Variants in RGS6 observed in about 807,000 individuals in gnomAD.
RGS6 encodes regulator of G protein signaling 6.
RGS6 carries 30 observed loss-of-function variants against 78.5 expected under a neutral mutation model. The ratio of observed to expected loss-of-function variants is 0.38; its 90% CI spans 0.29 to 0.52. The LOEUF is 0.52. Ranked by LOEUF, RGS6 falls within the 20% of genes least tolerant of loss-of-function variation. The probability of loss-of-function intolerance (pLI) is 0.85; values close to 1 mark genes in which losing one functional copy is unlikely to be tolerated. For synonymous variants in RGS6, 206 were observed against 206.0 expected (o/e 1.00, Z 0.00); for missense variants, 495 against 609.7 (o/e 0.81, Z 1.98).
At chr14:71,987,040 G>A (rs2153164832) in intron 2 of RGS6, among the ~76,000 whole-genome samples, 1 of 152,284 alleles carries the variant, frequency 6.6e-6, no homozygotes, top group African/African-American at 2.4e-5. Flanking sequence ...CACCTGCAGA[G>A]TCTCTTTTGC....
chr14:72,298,812 A>G (rs1403306023), intron 2 of RGS6, among the ~76,000 whole-genome samples: 1 of 152,084 alleles, frequency 6.6e-6, no homozygotes, highest in Non-Finnish European at 1.5e-5. Context: ...ATAATTGGAA[A>G]TGTTCTCTCC....
intron 2 of RGS6, among the ~76,000 whole-genome samples, chr14:72,240,667 C>T (rs538578171): frequency 6.6e-6 from 1 of 152,214 alleles, no homozygotes; most frequent in Non-Finnish European, 1.5e-5. Flanking sequence ...GCTTCCTTCT[C>T]AATATAAGAA....
chr14:72,201,496 ATTCAGCAGTGATTATC>A (rs2041580451), intron 2 of RGS6, among the ~76,000 whole-genome samples: 1 of 152,224 alleles, frequency 6.6e-6, no homozygotes, highest in African/African-American at 2.4e-5. Context: ...GACTTTTTAA[ATTCAGCAGTGATTATC>A]TAAAGCCTGA....
chr14:72,463,583 A>T (rs976664148), intron 6 of RGS6, among the ~76,000 whole-genome samples: 1 of 152,246 alleles, frequency 6.6e-6, no homozygotes, highest in Non-Finnish European at 1.5e-5. Flanking sequence ...CCATTTGGAC[A>T]TTTCTTGGGA....
intron 2 of RGS6, among the ~76,000 whole-genome samples, chr14:72,341,255 G>A (rs866560629): frequency 6.6e-6 from 1 of 152,116 alleles, no homozygotes; most frequent in Non-Finnish European, 1.5e-5. Context: ...GAGGAAAAGA[G>A]CACAAAGATG....
intron 2 of RGS6, among the ~76,000 whole-genome samples, chr14:72,308,713 G>GT (rs541218649): frequency 5.6e-4 from 86 of 152,296 alleles, no homozygotes; most frequent in African/African-American, 2.0e-3. Flanking sequence ...AGTAATAAAT[G>GT]TAAGTCCGGC....
chr14:72,531,778 T>A (rs1043081928), intron 15 of RGS6, among the ~76,000 whole-genome samples: 1 of 152,248 alleles, frequency 6.6e-6, no homozygotes, highest in African/African-American at 2.4e-5. Flanking sequence ...ATATGCGTGG[T>A]CTCATACACT....
chr14:72,427,783 C>G (rs2094487800), intron 3 of RGS6, among the ~76,000 whole-genome samples: 1 of 152,190 alleles, frequency 6.6e-6, no homozygotes, highest in South Asian at 2.1e-4. Context: ...TCCCTGTCTT[C>G]TACCCCAAAG....
intron 15 of RGS6, among the ~76,000 whole-genome samples, chr14:72,525,357 G>C (rs2097104533): frequency 6.6e-6 from 1 of 152,180 alleles, no homozygotes; most frequent in African/African-American, 2.4e-5. Flanking sequence ...GCGTAGGGAG[G>C]TTCCTTTCCT....
chr14:72,070,875 T>C (rs553594554), intron 2 of RGS6, among the ~76,000 whole-genome samples: 3 of 152,360 alleles, frequency 2.0e-5, no homozygotes, highest in Non-Finnish European at 4.4e-5. Context: ...TATGAATATA[T>C]GTTATGTATA....
chr14:72,363,628 C>T (rs1229002070), intron 3 of RGS6, among the ~76,000 whole-genome samples: 1 of 152,180 alleles, frequency 6.6e-6, no homozygotes, highest in African/African-American at 2.4e-5. Flanking sequence ...GAGGGTAACT[C>T]ATCCAAAATG....
chr14:72,388,349 C>T (rs1349397120), intron 3 of RGS6, among the ~76,000 whole-genome samples: 1 of 152,194 alleles, frequency 6.6e-6, no homozygotes, highest in Non-Finnish European at 1.5e-5. Flanking sequence ...CTGATGAGAT[C>T]AATGGACTGT....
At chr14:72,222,666 C>T (rs2153794022) in intron 2 of RGS6, among the ~76,000 whole-genome samples, 1 of 152,306 alleles carries the variant, frequency 6.6e-6, no homozygotes, top group Admixed American at 6.5e-5. Flanking sequence ...AAGTGTCATG[C>T]AAAACATCTG....
chr14:72,165,474 A>G (rs1482036402), intron 2 of RGS6, among the ~76,000 whole-genome samples: 4 of 152,236 alleles, frequency 2.6e-5, no homozygotes, highest in Non-Finnish European at 5.9e-5. Flanking sequence ...CTGTATAGCC[A>G]ACATCTTTCT....
intron 2 of RGS6, among the ~76,000 whole-genome samples, chr14:72,204,497 A>C (rs917055096): frequency 2.5e-4 from 38 of 152,308 alleles, no homozygotes; most frequent in African/African-American, 9.1e-4. Flanking sequence ...TAGTCTGTTC[A>C]GGCTGCTATA....
intron 2 of RGS6, among the ~76,000 whole-genome samples, chr14:72,349,899 T>C (rs2078794372): frequency 6.6e-6 from 1 of 152,214 alleles, no homozygotes; most frequent in South Asian, 2.1e-4. Context: ...GCCATTTTCA[T>C]AGAAACCATC....
chr14:72,619,421 C>T, the RGS6 span: 1 of 1,515,916 alleles, frequency 6.6e-7, no homozygotes, highest in South Asian at 1.2e-5. Context: ...TCTGGAGCCC[C>T]ACCCCACTGG....
intron 3 of RGS6, among the ~76,000 whole-genome samples, chr14:72,409,715 C>T (rs1246945954): frequency 6.6e-6 from 1 of 152,068 alleles, no homozygotes; most frequent in Non-Finnish European, 1.5e-5. Flanking sequence ...CCTCCCCTCT[C>T]CCCCAACCCC....
chr14:72,515,192 G>A (rs561355966), intron 14 of RGS6, among the ~76,000 whole-genome samples: 2 of 152,022 alleles, frequency 1.3e-5, no homozygotes, highest in Admixed American at 6.5e-5. Context: ...TGCTGTCTAG[G>A]GAATGTTACC....
Sources: allele counts gnomAD v4.1 joint callset (sites outside exome capture counted in the v4.1 genomes callset), GRCh38; gene constraint gnomAD v4.1.1; transcripts MANE v1.5; gene names NCBI Gene and HGNC (gene_info 2026-07-23, HGNC 2026-07-21).